Variants in CALD1 observed in about 807,000 individuals in gnomAD.
CALD1 encodes caldesmon.
A neutral mutation model predicts 99.9 loss-of-function variants in CALD1; 33 were observed. The ratio of observed to expected loss-of-function variants is 0.33; its 90% CI spans 0.25 to 0.44. CALD1 has a LOEUF of 0.44. CALD1 is among the 20% of genes least tolerant of loss of function. CALD1 has a pLI of 1.00. For missense variants in CALD1, 861 were observed against 962.1 expected, an observed-to-expected ratio of 0.89 and a Z score of 1.39; for synonymous variants, 310 against 325.0, an observed-to-expected ratio of 0.95 and a Z score of 0.50.
At chr7:134,915,205 T>C (rs988739992) in intron 3 of CALD1, among the ~76,000 whole-genome samples, 2 of 152,208 alleles carry the variant, frequency 1.3e-5, no homozygotes, top group African/African-American at 4.8e-5. Flanking sequence ...TAGGCCTTCA[T>C]GCAGCCCCCT....
intron 1 of CALD1, among the ~76,000 whole-genome samples, chr7:134,796,445 T>A (rs1443395617): frequency 6.6e-6 from 1 of 152,148 alleles, no homozygotes; most frequent in Non-Finnish European, 1.5e-5. Context: ...AAGATAGAAA[T>A]CATATATTCA....
intron 2 of CALD1, among the ~76,000 whole-genome samples, chr7:134,848,361 T>C (rs1254992968): frequency 6.6e-6 from 1 of 152,202 alleles, no homozygotes; most frequent in African/African-American, 2.4e-5. Flanking sequence ...AGTCTGAATA[T>C]TCACGCCAAT....
intron 1 of CALD1, among the ~76,000 whole-genome samples, chr7:134,795,910 G>A (rs985483249): frequency 2.6e-5 from 4 of 152,206 alleles, no homozygotes; most frequent in Non-Finnish European, 5.9e-5. Context: ...AGCCAGCCTG[G>A]AGCCACTGAC....
chr7:134,967,528 G>A (rs184835846), intron 14 of CALD1, among the ~76,000 whole-genome samples: 15 of 152,100 alleles, frequency 9.9e-5, no homozygotes, highest in East Asian at 3.9e-4. Context: ...GATAAGTCTC[G>A]TGGGGTAGGG....
At chr7:134,884,895 A>G (rs1034606656) in intron 3 of CALD1, among the ~76,000 whole-genome samples, 1 of 152,300 alleles carries the variant, frequency 6.6e-6, no homozygotes, top group African/African-American at 2.4e-5. Context: ...CAATGAACAA[A>G]TAAGACTGTG....
chr7:134,848,247 A>G (rs954965611), intron 2 of CALD1, among the ~76,000 whole-genome samples: 12 of 152,126 alleles, frequency 7.9e-5, no homozygotes, highest in Admixed American at 6.5e-4. Context: ...TTTTAGCCCA[A>G]ACTTATAACT....
At chr7:134,742,743 C>G (rs950387903), upstream of CALD1, among the ~76,000 whole-genome samples, 2 of 152,238 alleles carry the variant, frequency 1.3e-5, no homozygotes, top group African/African-American at 2.4e-5. Context: ...AAAGACTGTC[C>G]AAGTGCCTTC....
intron 1 of CALD1, among the ~76,000 whole-genome samples, chr7:134,815,058 T>A (rs898773114): frequency 6.6e-6 from 1 of 152,216 alleles, no homozygotes; most frequent in Non-Finnish European, 1.5e-5. Flanking sequence ...GTCTAGCTTT[T>A]CATTTCTTAT....
rs1173039831 is a variant in CALD1 at position 134,933,137 on chromosome 7, CAACAAT to C, written c.373_378del (p.Ile125_Thr126del). 1.2e-6 allele frequency: 2 copies of C among 1,613,088 alleles called. No homozygotes were observed. Among genetic ancestry groups the C allele is most frequent in the East Asian group, 4.5e-5 (2 of 44,846 alleles). On this transcript the variant is annotated inframe_deletion, in exon 5 of 15. Coordinates refer to ENST00000361675, the MANE Select transcript of CALD1 (RefSeq NM_033138.4). Reference sequence around the variant, plus strand: ...CTGGAGCGGCAGAAGGAGTTCGACCCAACAATAACAGATGCAAGTCTGTCGCTCCCA... The same window carrying C: ...CTGGAGCGGCAGAAGGAGTTCGACCCAACAGATGCAAGTCTGTCGCTCCCA...
At chr7:134,860,242 A>T (rs999172815) in intron 2 of CALD1, among the ~76,000 whole-genome samples, 3 of 152,186 alleles carry the variant, frequency 2.0e-5, no homozygotes, top group African/African-American at 7.2e-5. Context: ...TTAAGTGCAA[A>T]CTGTACATTA....
rs146199176 is a variant in CALD1 at position 134,955,673 on chromosome 7, G to A, written c.1936-2396G>A. ...AATCCTGTAGGATCAGGGTTCCACC[G>A]CTCTGATCTCATTTAACCTTAATTA... On this transcript the variant is annotated intron_variant, in intron 9 of 14. Coordinates refer to ENST00000361675, the MANE Select transcript of CALD1 (RefSeq NM_033138.4). Among the ~76,000 whole-genome samples the A allele has an allele frequency of 2.0e-3, 299 of 152,224 alleles. 1 individual carries two copies. The highest frequency in any genetic ancestry group is 0.01 in the Middle Eastern group (3 of 294).
At chr7:134,801,913 C>G (rs1479243017) in intron 1 of CALD1, among the ~76,000 whole-genome samples, 1 of 152,110 alleles carries the variant, frequency 6.6e-6, no homozygotes, top group African/African-American at 2.4e-5. Context: ...GCCACCACAC[C>G]CAGTCAAGAT....
At chr7:134,780,568 G>A (rs894327015) in intron 1 of CALD1, among the ~76,000 whole-genome samples, 5 of 152,172 alleles carry the variant, frequency 3.3e-5, no homozygotes, top group Admixed American at 6.5e-5. Flanking sequence ...AGAAAGGAAG[G>A]AGGCAGGCTT....
chr7:134,856,703 G>A (rs980366461), intron 2 of CALD1, among the ~76,000 whole-genome samples: 1 of 113,402 alleles, frequency 8.8e-6, no homozygotes, highest in African/African-American at 2.8e-5. Flanking sequence ...TCCTGAAATC[G>A]AAATGTCTCT....
chr7:134,732,204 CT>C, the CALD1 span, among the ~76,000 whole-genome samples: 1 of 152,174 alleles, frequency 6.6e-6, no homozygotes, highest in Non-Finnish European at 1.5e-5. Flanking sequence ...CAACTTATAC[CT>C]GACACACTGC....
At chr7:134,759,040 A>G (rs1308816795) in intron 1 of CALD1, among the ~76,000 whole-genome samples, 1 of 152,194 alleles carries the variant, frequency 6.6e-6, no homozygotes, top group Non-Finnish European at 1.5e-5. Context: ...AACACCTTGG[A>G]GAGTCTGTGG....
At chr7:134,764,203 G>A (rs958292781) in intron 1 of CALD1, among the ~76,000 whole-genome samples, 2 of 152,064 alleles carry the variant, frequency 1.3e-5, no homozygotes, top group African/African-American at 4.8e-5. Context: ...CCAGACTCCA[G>A]GGCTCCTGGC....
At chr7:134,879,244 TGGCTGTGTAAGTG>T (rs879912660) in intron 3 of CALD1, among the ~76,000 whole-genome samples, 2 of 152,170 alleles carry the variant, frequency 1.3e-5, no homozygotes, top group African/African-American at 2.4e-5. Flanking sequence ...ACCAATGTGG[TGGCTGTGTAAGTG>T]GGCTGTGTAA....
intron 1 of CALD1, among the ~76,000 whole-genome samples, chr7:134,838,568 C>T (rs1472763088): frequency 6.6e-6 from 1 of 152,180 alleles, no homozygotes. Context: ...CTTGCAAAAA[C>T]ATTCAATATT....
Sources: allele counts gnomAD v4.1 joint callset (sites outside exome capture counted in the v4.1 genomes callset), GRCh38; gene constraint gnomAD v4.1.1; transcripts MANE v1.5; gene names NCBI Gene and HGNC (gene_info 2026-07-23, HGNC 2026-07-21).